The following CHST11 variants were observed in gnomAD, a reference collection of about 807,000 sequenced individuals.
The protein encoded by CHST11 is carbohydrate sulfotransferase 11, also known as C4S-1.
A neutral mutation model predicts 30.4 loss-of-function variants in CHST11; 9 were observed. The observed-to-expected ratio is 0.30, with a 90% confidence interval of 0.18 to 0.52. The LOEUF is 0.52. CHST11 is among the 20% of genes least tolerant of loss of function. The pLI is 0.97. For synonymous variants in CHST11, 152 were observed against 187.8 expected, an observed-to-expected ratio of 0.81 and a Z score of 1.56; for missense variants, 348 against 460.6, an observed-to-expected ratio of 0.76 and a Z score of 2.24.
chr12:104,504,876 G>T (rs1258258054), intron 1 of CHST11, among the ~76,000 whole-genome samples: 3 of 152,082 alleles, frequency 2.0e-5, no homozygotes, highest in Non-Finnish European at 2.9e-5. Context: ...GAGTGGGGGA[G>T]GGGGAGCCTT....
chr12:104,469,096 T>C (rs1255246170), intron 1 of CHST11, among the ~76,000 whole-genome samples: 2 of 152,246 alleles, frequency 1.3e-5, no homozygotes, highest in African/African-American at 2.4e-5. Flanking sequence ...CTGTTCTATT[T>C]AATTCTGTTT....
chr12:104,482,040 A>G (rs2037629032), intron 1 of CHST11, among the ~76,000 whole-genome samples: 1 of 151,814 alleles, frequency 6.6e-6, no homozygotes, highest in Non-Finnish European at 1.5e-5. Context: ...TAGTAGAGAC[A>G]GGGTTTCACC....
intron 2 of CHST11, among the ~76,000 whole-genome samples, chr12:104,617,021 C>T (rs10778345): frequency 0.26 from 39,849 of 152,076 alleles, 5,464 homozygotes; most frequent in East Asian, 0.42. Flanking sequence ...AGTACTAGTC[C>T]GTGGCAGGGA....
chr12:104,496,730 C>CT (rs149898457), intron 1 of CHST11, among the ~76,000 whole-genome samples: 169 of 145,612 alleles, frequency 1.2e-3, no homozygotes, highest in African/African-American at 2.9e-3. Flanking sequence ...ATCCTCAAAA[C>CT]TTTTTTTTTT....
intron 1 of CHST11, among the ~76,000 whole-genome samples, chr12:104,599,177 C>T (rs1169044213): frequency 2.0e-5 from 3 of 152,114 alleles, no homozygotes; most frequent in Non-Finnish European, 4.4e-5. Flanking sequence ...GAGCCAAGGC[C>T]GGTTCCCATG....
In CHST11 at chr12:104,676,510, G is replaced by C. The variant is rs2039744529; in HGVS notation, c.204+74519G>C. Among the ~76,000 whole-genome samples the C allele has an allele frequency of 6.6e-6, 1 of 152,214 alleles. No homozygotes were observed. The highest frequency in any genetic ancestry group is 1.5e-5 in the Non-Finnish European group (1 of 68,034). ...GCTCACTGCAACCTCCGCCTCCCGG[G>C]TTCAAGGGATTATTCTGCCCCAGCC... On this transcript the variant is annotated intron_variant, in intron 2 of 2. Transcript: ENST00000303694. This position sits in a 1 kb window ranked among gnomAD's most constrained non-coding sequence, Gnocchi z 4.4.
chr12:104,526,512 C>T (rs561652256), intron 1 of CHST11, among the ~76,000 whole-genome samples: 5 of 152,240 alleles, frequency 3.3e-5, no homozygotes, highest in Non-Finnish European at 5.9e-5. Flanking sequence ...GTTTCTCCTC[C>T]GGGCCTGAGG....
intron 1 of CHST11, among the ~76,000 whole-genome samples, chr12:104,475,033 T>C (rs2037544321): frequency 6.6e-6 from 1 of 152,202 alleles, no homozygotes; most frequent in Non-Finnish European, 1.5e-5. Context: ...AGTTGACTAC[T>C]TAGACTATTT....
At chr12:104,710,438 TC>T (rs2040077646) in intron 2 of CHST11, among the ~76,000 whole-genome samples, 1 of 152,124 alleles carries the variant, frequency 6.6e-6, no homozygotes, top group Non-Finnish European at 1.5e-5. Context: ...TAATAAGGCT[TC>T]ATTCCCGCTT....
At chr12:104,508,866 T>G (rs2037934398) in intron 1 of CHST11, among the ~76,000 whole-genome samples, 1 of 152,100 alleles carries the variant, frequency 6.6e-6, no homozygotes, top group African/African-American at 2.4e-5. Context: ...CTTCTATGTG[T>G]TGCTGCTACT....
intron 1 of CHST11, among the ~76,000 whole-genome samples, chr12:104,525,660 A>G (rs192786770): frequency 1.2e-3 from 183 of 152,360 alleles, no homozygotes; most frequent in African/African-American, 3.6e-3. Flanking sequence ...AAAGTACTCA[A>G]CACAGGCCTG....
intron 2 of CHST11, among the ~76,000 whole-genome samples, chr12:104,640,948 T>A (rs1253453339): frequency 6.6e-6 from 1 of 152,072 alleles, no homozygotes; most frequent in Admixed American, 6.5e-5. Context: ...CCGACCCCCA[T>A]CCTGTGCCCA....
intron 2 of CHST11, among the ~76,000 whole-genome samples, chr12:104,662,327 A>T (rs572734132): frequency 6.6e-6 from 1 of 152,282 alleles, no homozygotes; most frequent in Admixed American, 6.5e-5. Context: ...AATAATTGCA[A>T]CTTTTACCTA....
intron 1 of CHST11, among the ~76,000 whole-genome samples, chr12:104,593,757 G>A (rs992772324): frequency 1.3e-5 from 2 of 152,190 alleles, no homozygotes; most frequent in African/African-American, 4.8e-5. Flanking sequence ...TAAAATGGGT[G>A]TGATACGACC....
At chr12:104,589,187 T>C (rs11112115) in intron 1 of CHST11, among the ~76,000 whole-genome samples, 45,570 of 151,518 alleles carry the variant, frequency 0.3, 7,263 homozygotes, top group East Asian at 0.45. Flanking sequence ...ATTGCTTGAG[T>C]CCAGGAATTC....
chr12:104,563,062 A>G (rs1053955478), intron 1 of CHST11, among the ~76,000 whole-genome samples: 2 of 151,802 alleles, frequency 1.3e-5, no homozygotes, highest in Non-Finnish European at 2.9e-5. Context: ...TTTGTTTTAG[A>G]TGTAGTCTTG....
chr12:104,520,512 CA>C lies in CHST11; in HGVS notation c.118+62992del, dbSNP rs372349114. Among the ~76,000 whole-genome samples the C allele has an allele frequency of 7.5e-3, 1,112 of 149,134 alleles. 17 individuals are homozygous for C. The highest frequency in any genetic ancestry group is 0.026 in the African/African-American group (1,059 of 40,574). On this transcript the variant is annotated intron_variant, in intron 1 of 2. Transcript: ENST00000303694. ...ACCTTTTTTTTTAAACAAAACAAAA[CA>C]AAAAAAAACAAACCTCTCAGTCTGC...
At chr12:104,725,824 G>A (rs2040212499) in intron 2 of CHST11, among the ~76,000 whole-genome samples, 1 of 152,044 alleles carries the variant, frequency 6.6e-6, no homozygotes, top group Admixed American at 6.5e-5. Flanking sequence ...AGGACGGATG[G>A]TCCGTGGGCA....
At chr12:104,620,613 CATTTATTT>C (rs200879600) in intron 2 of CHST11, among the ~76,000 whole-genome samples, 3 of 151,968 alleles carry the variant, frequency 2.0e-5, no homozygotes, top group Non-Finnish European at 4.4e-5. Flanking sequence ...GGAAATTCTC[CATTTATTT>C]ATTTATTTAT....
Sources: allele counts gnomAD v4.1 joint callset (sites outside exome capture counted in the v4.1 genomes callset), GRCh38; gene constraint gnomAD v4.1.1; non-coding constraint Gnocchi (gnomAD v3.1); transcripts MANE v1.5; gene names NCBI Gene and HGNC (gene_info 2026-07-23, HGNC 2026-07-21).